Variants in NUDT3 observed in about 807,000 individuals in gnomAD.
The protein encoded by NUDT3 is nudix hydrolase 3, also known as diphosphoinositol polyphosphate phosphohydrolase 1.
A neutral mutation model predicts 23.6 loss-of-function variants in NUDT3; 9 were observed. The ratio of observed to expected loss-of-function variants is 0.38; its 90% CI spans 0.23 to 0.66. The LOEUF (loss-of-function observed/expected upper bound fraction) is 0.66. Among genes scored for constraint, NUDT3 ranks in the 30% least tolerant of loss-of-function variants. The pLI is 0.52. For synonymous variants in NUDT3, 86 were observed against 82.6 expected, an observed-to-expected ratio of 1.04 and a Z score of -0.22; for missense variants, 172 against 218.5, an observed-to-expected ratio of 0.79 and a Z score of 1.34.
intron 1 of NUDT3, among the ~76,000 whole-genome samples, chr6:34,375,805 T>C (rs1355362680): frequency 6.6e-6 from 1 of 152,220 alleles, no homozygotes; most frequent in African/African-American, 2.4e-5. Context: ...AACAGTTTTA[T>C]AAAGTCATCG....
At position 34,348,320 on chromosome 6, in the gene NUDT3, C is replaced by A. The variant is rs546508200; in HGVS notation, c.100-6348G>T. 3.4e-5 allele frequency among the ~76,000 whole-genome samples: 5 copies of A among 148,456 alleles called. No individual in the cohort carries two copies. In the South Asian group the frequency reaches 8.6e-4, roughly 26 times the overall value. On this transcript the variant is annotated intron_variant, in intron 1 of 4. Coordinates refer to ENST00000607016, the MANE Select transcript of NUDT3 (RefSeq NM_006703.4). Reference sequence around the variant, plus strand: ...AAAAGCAACAACAGAAACCGCCCCCCACCAAAAAAAAAATAGCCAGGCGTG... The same window carrying A: ...AAAAGCAACAACAGAAACCGCCCCCAACCAAAAAAAAAATAGCCAGGCGTG...
intron 2 of NUDT3, among the ~76,000 whole-genome samples, chr6:34,332,842 C>T (rs765674442): frequency 3.3e-5 from 5 of 152,004 alleles, no homozygotes; most frequent in African/African-American, 4.8e-5. Context: ...CTTGGGATGG[C>T]TGAGGTGAGA....
chr6:34,312,058 G>GA (rs1020561010), intron 2 of NUDT3, among the ~76,000 whole-genome samples: 5 of 152,114 alleles, frequency 3.3e-5, no homozygotes, highest in Admixed American at 1.3e-4. Context: ...ATACCTGAAA[G>GA]AAAAAATTGA....
Position 34,366,349 on chromosome 6 carries a change from G to A in NUDT3, c.100-24377C>T, listed in dbSNP as rs187798031. ...CATGATTTTGCCACTGCACTCTAGC[G>A]TGGGTGACTGAGCAAGACCTTGTCG... On this transcript the variant is annotated intron_variant, in intron 1 of 4. Coordinates refer to ENST00000607016, the MANE Select transcript of NUDT3 (RefSeq NM_006703.4). 3.1e-3 allele frequency among the ~76,000 whole-genome samples: 475 copies of A among 151,274 alleles called. 3 individuals are homozygous for A. The highest frequency in any genetic ancestry group is 6.9e-3 in the African/African-American group (284 of 41,208).
At chr6:34,290,655 G>A (rs1273202890) in intron 4 of NUDT3, among the ~76,000 whole-genome samples, 1 of 150,390 alleles carries the variant, frequency 6.6e-6, no homozygotes, top group Non-Finnish European at 1.5e-5. Context: ...TCATGCCACT[G>A]TACTCCAGTC....
At position 34,281,352 on chromosome 6, in the gene NUDT3, C is replaced by T. The variant is rs1763276040; in HGVS notation, c.*7401G>A. On this transcript the variant is annotated 3_prime_UTR_variant, in exon 5 of 5. Coordinates refer to ENST00000607016, the MANE Select transcript of NUDT3 (RefSeq NM_006703.4). Reference sequence around the variant, plus strand: ...TATGAAGATGCTACTACTGGCCTTCCACTTCCTCTCTCTGATACACCTAAG... The same window carrying T: ...TATGAAGATGCTACTACTGGCCTTCTACTTCCTCTCTCTGATACACCTAAG... 6.6e-6 allele frequency: 1 copy of T among 152,166 alleles called. No homozygotes were observed. Among genetic ancestry groups the T allele is most frequent in the Non-Finnish European group, 1.5e-5 (1 of 68,042 alleles). 9.4% of individuals were successfully genotyped at this position (152,166 alleles called of 1,614,324 possible). A position where few individuals can be genotyped will look rare whatever the true frequency, so the allele number is the denominator to read the frequency against.
rs369718944 is a variant in NUDT3 at position 34,292,479 on chromosome 6, G to C, written c.340+972C>G. Among the ~76,000 whole-genome samples, 260 of 152,136 alleles carry C rather than the reference G, an allele frequency of 1.7e-3. 2 individuals carry two copies. The highest frequency in any genetic ancestry group is 6.0e-3 in the African/African-American group (248 of 41,502). On this transcript the variant is annotated intron_variant, in intron 4 of 4. Transcript: ENST00000607016. The stretch of plus-strand genomic sequence containing the variant: ...AGTTTATAGTTCCAAAGATGTAAAC[G>C]TAACAGCCATCTGAGATCAAAGAAA...
intron 1 of NUDT3, among the ~76,000 whole-genome samples, chr6:34,382,844 A>G (rs1382245025): frequency 1.3e-5 from 2 of 151,682 alleles, no homozygotes; most frequent in African/African-American, 2.4e-5. Flanking sequence ...AAAAAAAGGA[A>G]AGGCCGGGCG....
At chr6:34,298,485 T>C (rs1465699320) in intron 2 of NUDT3, among the ~76,000 whole-genome samples, 1 of 148,394 alleles carries the variant, frequency 6.7e-6, no homozygotes. Context: ...AATGTAAAAG[T>C]ACCTATTTGA....
In NUDT3 at chr6:34,369,087, T is replaced by A. The variant is rs1431127128; in HGVS notation, c.99+23177A>T. On this transcript the variant is annotated intron_variant, in intron 1 of 4. Coordinates refer to ENST00000607016, the MANE Select transcript of NUDT3 (RefSeq NM_006703.4). Reference sequence around the variant, plus strand: ...TGGGTACCTGTAATAGACCACTGGTTGAACACAAGATATAGAAGAAAAACT... The same window carrying A: ...TGGGTACCTGTAATAGACCACTGGTAGAACACAAGATATAGAAGAAAAACT... Among the ~76,000 whole-genome samples, 335 of 152,324 alleles carry A rather than the reference T, an allele frequency of 2.2e-3. 1 individual carries two copies. The highest frequency in any genetic ancestry group is 0.011 in the East Asian group (57 of 5,190).
In NUDT3 at chr6:34,355,463, G is replaced by A. The variant is rs563077892; in HGVS notation, c.100-13491C>T. On this transcript the variant is annotated intron_variant, in intron 1 of 4. Transcript: ENST00000607016. The stretch of plus-strand genomic sequence containing the variant: ...GTTTAGGGTTGGGGTCTCTGTTCAC[G>A]AAGGATACAGTGTCTGATGTTCTCT... Among the ~76,000 whole-genome samples the A allele has an allele frequency of 8.5e-5, 13 of 152,118 alleles. No individual in the cohort carries two copies. The South Asian group carries it at 2.5e-3, about 29-fold the overall frequency.
intron 1 of NUDT3, among the ~76,000 whole-genome samples, chr6:34,357,859 A>C (rs1164132025): frequency 6.6e-6 from 1 of 152,204 alleles, no homozygotes; most frequent in Non-Finnish European, 1.5e-5. Flanking sequence ...TAGCATAATT[A>C]GAAGGTCCTG....
At chr6:34,384,503 A>G (rs112232358) in intron 1 of NUDT3, among the ~76,000 whole-genome samples, 4 of 152,272 alleles carry the variant, frequency 2.6e-5, no homozygotes, top group African/African-American at 9.6e-5. Context: ...CCTTTCTAAG[A>G]GTACAAACAA....
chr6:34,297,065 G>T (rs956274116), intron 2 of NUDT3, among the ~76,000 whole-genome samples: 3 of 151,492 alleles, frequency 2.0e-5, no homozygotes, highest in African/African-American at 7.3e-5. Flanking sequence ...CCAAGTAGCT[G>T]GGACTACAGG....
intron 1 of NUDT3, among the ~76,000 whole-genome samples, chr6:34,387,956 T>C (rs999550161): frequency 1.3e-5 from 2 of 152,214 alleles, no homozygotes; most frequent in East Asian, 1.9e-4. Flanking sequence ...CACTCACTGA[T>C]GCACCCAGAG....
chr6:34,298,411 T>C (rs1763547853), intron 2 of NUDT3, among the ~76,000 whole-genome samples: 1 of 152,150 alleles, frequency 6.6e-6, no homozygotes, highest in Non-Finnish European at 1.5e-5. Context: ...TTAATAATAG[T>C]AACCTCTGCT....
intron 1 of NUDT3, 112 bp downstream of exon 1, chr6:34,392,152 G>C (rs1765214171): frequency 1.4e-6 from 1 of 712,200 alleles, no homozygotes; most frequent in Admixed American, 3.3e-5. Context: ...ACTTCATTCC[G>C]CCCGAGCGGG....
intron 2 of NUDT3, among the ~76,000 whole-genome samples, chr6:34,337,046 G>A (rs1658360826): frequency 6.6e-6 from 1 of 152,142 alleles, no homozygotes; most frequent in African/African-American, 2.4e-5. Context: ...GATAAAACTG[G>A]AAAATCCACT....
At chr6:34,350,929 G>A (rs1250802586) in intron 1 of NUDT3, among the ~76,000 whole-genome samples, 1 of 150,408 alleles carries the variant, frequency 6.6e-6, no homozygotes, top group Non-Finnish European at 1.5e-5. Context: ...ATTATTTTAA[G>A]AACAATATGA....
Sources: gnomAD v4.1 joint callset for allele counts (sites outside exome capture counted in the v4.1 genomes callset) on GRCh38, gnomAD v4.1.1 for gene constraint, MANE v1.5 for transcripts, NCBI Gene and HGNC (gene_info 2026-07-23, HGNC 2026-07-21) for gene names.